Variants in SP8 observed in about 807,000 individuals in gnomAD.
The protein encoded by SP8 is Sp8 transcription factor.
SP8 carries 7 observed loss-of-function variants against 15.3 expected under a neutral mutation model. The ratio of observed to expected loss-of-function variants is 0.46; its 90% CI spans 0.26 to 0.86. SP8 has a LOEUF of 0.86. Ranked by LOEUF, SP8 falls within the 40% of genes least tolerant of loss-of-function variation. The probability of loss-of-function intolerance (pLI) is 0.16; values close to 1 mark genes in which losing one functional copy is unlikely to be tolerated. For missense variants in SP8, 731 were observed against 736.4 expected, an observed-to-expected ratio of 0.99 and a Z score of 0.09; for synonymous variants, 415 against 356.3, an observed-to-expected ratio of 1.16 and a Z score of -1.86.
In SP8 at chr7:20,782,654, C is replaced by A. The variant is rs1225359824; in HGVS notation, c.*1636G>T. ...CAGCAAATGCAAATAAGTACATGCT[C>A]CATTAAATTAAATGTCATCCAACAT... On this transcript the variant is annotated 3_prime_UTR_variant, in exon 2 of 2. Coordinates refer to ENST00000418710, the MANE Select transcript of SP8 (RefSeq NM_182700.6). 2.6e-5 allele frequency: 4 copies of A among 152,528 alleles called. No individual in the cohort carries two copies. The highest frequency in any genetic ancestry group is 1.3e-4 in the Admixed American group (2 of 15,276). The allele number at this position is 152,528 out of a possible 1,614,324, so 9.4% of individuals were successfully genotyped here.
Position 20,785,057 on chromosome 7 carries a change from C to A in SP8, c.760G>T (p.Ala254Ser). The A allele has an allele frequency of 6.3e-7, 1 of 1,578,896 alleles. No homozygotes were observed. The highest frequency in any genetic ancestry group is 1.7e-4 in the Middle Eastern group (1 of 6,004). ...AGCGAGGTTTGGAGCCCCCCGGCGG[C>A]AGGGTGCAGCGAGCCGGGCAGCGCA... The part of the protein sequence containing the change: ...AAALPGSLHP[A>S]AGGLQTSLHS... Residue 254 changes from alanine (A) to serine (S), a missense_variant, in exon 2 of 2, where the codon GCC becomes TCC. By Grantham distance (99) the Ala-to-Ser change is moderately conservative. Coordinates refer to ENST00000418710, the MANE Select transcript of SP8 (RefSeq NM_182700.6). The surrounding 1 kb of genome is among the most constrained non-coding windows in gnomAD (Gnocchi z 7.2).
At position 20,783,711 on chromosome 7, in the gene SP8, G is replaced by A. The variant is rs937933781; in HGVS notation, c.*579C>T. 6.5e-6 allele frequency: 1 copy of A among 152,880 alleles called. No individual in the cohort carries two copies. The highest frequency in any genetic ancestry group is 2.4e-5 in the African/African-American group (1 of 41,466). 9.5% of individuals were successfully genotyped at this position (152,880 alleles called of 1,614,324 possible). A position where few individuals can be genotyped will look rare whatever the true frequency, so the allele number is the denominator to read the frequency against. ...CCCCGACAGCCTGAGTAGGACGTCC[G>A]GCGATGCCCAGGGGCCTGGCAGGGT... On this transcript the variant is annotated 3_prime_UTR_variant, in exon 2 of 2. Coordinates refer to ENST00000418710, the MANE Select transcript of SP8 (RefSeq NM_182700.6).
In SP8 at chr7:20,786,813, C is replaced by T; in HGVS notation, c.-15G>A. On this transcript the variant is annotated 5_prime_UTR_variant, in exon 1 of 2. Coordinates refer to ENST00000418710, the MANE Select transcript of SP8 (RefSeq NM_182700.6). The surrounding 1 kb of genome is among the most constrained non-coding windows in gnomAD (Gnocchi z 4.4). ...GAAGTTGCCATCACACAAAAGTGCC[C>T]TCCTCCTCTCAGAGGATCTTTTTTA... The T allele has an allele frequency of 1.2e-6, 2 of 1,609,310 alleles. No homozygotes were observed. Among genetic ancestry groups the T allele is most frequent in the Non-Finnish European group, 1.7e-6 (2 of 1,175,610 alleles).
Position 20,786,537 on chromosome 7 carries a change from G to T in SP8, c.21+241C>A, listed in dbSNP as rs969229743. On this transcript the variant is annotated intron_variant, in intron 1 of 1. Transcript: ENST00000418710. The surrounding 1 kb of genome is among the most constrained non-coding windows in gnomAD (Gnocchi z 4.4). ...AGGTCTCCCGGGCAGGGAGCAGCGA[G>T]GCGCTGCGCGGTGGCTTGTCTAAAT... Among the ~76,000 whole-genome samples the T allele has an allele frequency of 4.6e-5, 7 of 152,074 alleles. No homozygotes were observed. Among genetic ancestry groups the T allele is most frequent in the African/African-American group, 1.7e-4 (7 of 41,402 alleles).
At position 20,784,239 on chromosome 7, in the gene SP8, A is replaced by G. The variant is rs1562605516; in HGVS notation, c.*51T>C. ...TTGAAGTCCGGACAGACAGGGCCCA[A>G]GAGGACTTGGTGGGAGGAGGTCGGG... On this transcript the variant is annotated 3_prime_UTR_variant, in exon 2 of 2. Transcript: ENST00000418710. 1 of 1,390,724 alleles carries G rather than the reference A, an allele frequency of 7.2e-7. No individual in the cohort carries two copies. Among genetic ancestry groups the G allele is most frequent in the Non-Finnish European group, 9.3e-7 (1 of 1,071,154 alleles). The allele number at this position is 1,390,724 out of a possible 1,614,324, so 86.1% of individuals were successfully genotyped here. A position where few individuals can be genotyped will look rare whatever the true frequency, so the allele number is the denominator to read the frequency against.
chr7:20,784,406 C>T lies in SP8; in HGVS notation c.1411G>A (p.Gly471Ser), dbSNP rs1200853231. Residue 471 changes from glycine (G) to serine (S), a missense_variant, in exon 2 of 2, where the codon GGC (glycine) becomes AGC (serine). By Grantham distance (56) the Gly-to-Ser change is moderately conservative (BLOSUM62 0). Transcript: ENST00000418710. ...GGGGSAGSGSGGKKGSDTDSE... is the reference protein window; with the variant it reads ...GGGGSAGSGSSGKKGSDTDSE... ...TCGGTGTCGCTGCCCTTCTTGCCGCCGCTGCCCGAGCCCGCCGAGCCGCCG... is the reference window on the plus strand; with the variant it reads ...TCGGTGTCGCTGCCCTTCTTGCCGCTGCTGCCCGAGCCCGCCGAGCCGCCG... 6 of 1,528,222 alleles carry T rather than the reference C, an allele frequency of 3.9e-6. 1 individual carries two copies. In the Admixed American group the frequency reaches 7.9e-5, roughly 20 times the overall value. The allele number at this position is 1,528,222 out of a possible 1,614,324, so 94.7% of individuals were successfully genotyped here.
Position 20,785,070 on chromosome 7 carries a change from G to A in SP8, c.747C>T (p.Gly249=), listed in dbSNP as rs1783620880. The A allele has an allele frequency of 1.3e-6, 2 of 1,579,818 alleles. No homozygotes were observed. Among genetic ancestry groups the A allele is most frequent in the East Asian group, 2.3e-5 (1 of 43,326 alleles). Residue 249 remains glycine (G), a synonymous_variant, in exon 2 of 2, where the codon GGC becomes GGT. Transcript: ENST00000418710. The surrounding 1 kb of genome is among the most constrained non-coding windows in gnomAD (Gnocchi z 7.2). ...GCCCCCCGGCGGCAGGGTGCAGCGA[G>A]CCGGGCAGCGCAGCCGCGCTGTTCG... is the stretch of plus-strand genomic sequence containing the variant. ...QNPNSAAALP[G]SLHPAAGGLQ...
Position 20,784,307 on chromosome 7 carries a change from G to A in SP8, c.1510C>T (p.Arg504Cys), listed in dbSNP as rs368503334. 1.1e-3 allele frequency: 1,594 copies of A among 1,497,566 alleles called. 1 individual carries two copies. Among genetic ancestry groups the A allele is most frequent in the Non-Finnish European group, 1.4e-3 (1,536 of 1,130,750 alleles). 92.8% of individuals were successfully genotyped at this position (1,497,566 alleles called of 1,614,324 possible). A position where few individuals can be genotyped will look rare whatever the true frequency, so the allele number is the denominator to read the frequency against. The change falls in exon 2 of 2, where the codon CGC becomes TGC. Residue 504 changes from arginine to cysteine, a missense_variant. This residue lies in a region of SP8 where 114 missense variants were observed against 111.9 expected (regional missense o/e 1.02). Coordinates refer to ENST00000418710, the MANE Select transcript of SP8 (RefSeq NM_182700.6). ...GGTGGGCGTCACTCTAGGCCGTTGC[G>A]GTGCCCGGGCTCGGGGGGCTGCAGC... ...ELLQPPEPGH[R>C]NGLE
Position 20,784,744 on chromosome 7 carries a change from G to A in SP8, c.1073C>T (p.Ala358Val), listed in dbSNP as rs1471162912. 1.9e-6 allele frequency: 3 copies of A among 1,587,556 alleles called. No individual in the cohort carries two copies. Among genetic ancestry groups the A allele is most frequent in the East Asian group, 2.3e-5 (1 of 43,600 alleles). Residue 358 changes from alanine (A) to valine (V), a missense_variant, in exon 2 of 2, where the codon GCA (alanine) becomes GTA (valine). By Grantham distance (64) the Ala-to-Val change is moderately conservative. Coordinates refer to ENST00000418710, the MANE Select transcript of SP8 (RefSeq NM_182700.6). ...ATCDCPNCQE[A>V]ERLGPAGASL... ...CGCCCCGGCAGGGCCCAGCCGCTCT[G>A]CCTCCTGGCAGTTGGGGCAGTCGCA...
rs1476186718 is a variant in SP8 at position 20,784,881 on chromosome 7, C to G, written c.936G>C (p.Ser312=). ...KPVLPGSYPD[S]APSPLAGAGG... Reference sequence around the variant, plus strand: ...CCGCGCCGGCCAGCGGCGACGGGGCCGAGTCCGGGTAGGAGCCGGGTAGCA... The same window carrying G: ...CCGCGCCGGCCAGCGGCGACGGGGCGGAGTCCGGGTAGGAGCCGGGTAGCA... The change falls in exon 2 of 2, where the codon TCG becomes TCC. Residue 312 remains serine, a synonymous_variant. Transcript: ENST00000418710. The G allele has an allele frequency of 5.2e-6, 8 of 1,528,586 alleles. No homozygotes were observed. Among genetic ancestry groups the G allele is most frequent in the South Asian group, 1.2e-5 (1 of 83,194 alleles). The allele number at this position is 1,528,586 out of a possible 1,614,324, so 94.7% of individuals were successfully genotyped here. A position where few individuals can be genotyped will look rare whatever the true frequency, so the allele number is the denominator to read the frequency against.
Position 20,784,759 on chromosome 7 carries a change from G to T in SP8, c.1058C>A (p.Pro353His). 6.3e-7 allele frequency: 1 copy of T among 1,575,270 alleles called. No homozygotes were observed. The change falls in exon 2 of 2, where the codon CCC becomes CAC. Residue 353 changes from proline (P) to histidine (H), a missense_variant. Around this residue, in one of 3 missense-constraint regions of SP8, gnomAD observed 586 missense variants for 524.9 expected, o/e 1.12. Coordinates refer to ENST00000418710, the MANE Select transcript of SP8 (RefSeq NM_182700.6). ...RYSGRATCDC[P>H]NCQEAERLGP... Reference sequence around the variant, plus strand: ...CAGCCGCTCTGCCTCCTGGCAGTTGGGGCAGTCGCAGGTGGCGCGGCCGGA... The same window carrying T: ...CAGCCGCTCTGCCTCCTGGCAGTTGTGGCAGTCGCAGGTGGCGCGGCCGGA...
In SP8 at chr7:20,786,060, C is replaced by A. The variant is rs1018870557; in HGVS notation, c.22-265G>T. ...AGCACCACGCTAAAGAAGAGTTTGA[C>A]AAGTATTCTCACCTAAAACAACACT... On this transcript the variant is annotated intron_variant, in intron 1 of 1. Coordinates refer to ENST00000418710, the MANE Select transcript of SP8 (RefSeq NM_182700.6). This position sits in a 1 kb window ranked among gnomAD's most constrained non-coding sequence, Gnocchi z 4.4. The A allele has an allele frequency of 4.5e-6, 6 of 1,338,236 alleles. No individual in the cohort carries two copies. In the African/African-American group the frequency reaches 5.9e-5, roughly 13 times the overall value. The allele number at this position is 1,338,236 out of a possible 1,614,324, so 82.9% of individuals were successfully genotyped here.
rs757826206 is a variant in SP8 at position 20,786,810 on chromosome 7, G to A, written c.-12C>T. On this transcript the variant is annotated 5_prime_UTR_variant, in exon 1 of 2. Coordinates refer to ENST00000418710, the MANE Select transcript of SP8 (RefSeq NM_182700.6). The surrounding 1 kb of genome is among the most constrained non-coding windows in gnomAD (Gnocchi z 4.4). Reference sequence around the variant, plus strand: ...AGTGAAGTTGCCATCACACAAAAGTGCCCTCCTCCTCTCAGAGGATCTTTT... The same window carrying A: ...AGTGAAGTTGCCATCACACAAAAGTACCCTCCTCCTCTCAGAGGATCTTTT... 6.2e-7 allele frequency: 1 copy of A among 1,610,340 alleles called. No individual in the cohort carries two copies. The highest frequency in any genetic ancestry group is 2.2e-5 in the East Asian group (1 of 44,848).
rs1562605783 is a variant in SP8 at position 20,784,432 on chromosome 7, C to A, written c.1385G>T (p.Gly462Val). The A allele has an allele frequency of 6.5e-7, 1 of 1,534,308 alleles. No homozygotes were observed. Among genetic ancestry groups the A allele is most frequent in the South Asian group, 1.2e-5 (1 of 83,176 alleles). Residue 462 changes from glycine (G) to valine (V), a missense_variant, in exon 2 of 2, where the codon GGC (glycine) becomes GTC (valine). Gly to Val is a moderately radical substitution (Grantham distance 109). This residue lies in a region of SP8 where 114 missense variants were observed against 111.9 expected (regional missense o/e 1.02). Coordinates refer to ENST00000418710, the MANE Select transcript of SP8 (RefSeq NM_182700.6). Reference sequence around the variant, plus strand: ...GCTGCCCGAGCCCGCCGAGCCGCCGCCGCCGCCGCCGCCACTGTGCGTCTT... The same window carrying A: ...GCTGCCCGAGCCCGCCGAGCCGCCGACGCCGCCGCCGCCACTGTGCGTCTT... ...HVKTHSGGGG[G>V]GGSAGSGSGG...
In SP8 at chr7:20,785,625, T is replaced by A. The variant is rs2128063912; in HGVS notation, c.192A>T (p.Val64=). The A allele has an allele frequency of 6.3e-7, 1 of 1,576,284 alleles. No individual in the cohort carries two copies. Among genetic ancestry groups the A allele is most frequent in the African/African-American group, 1.4e-5 (1 of 73,036 alleles). The part of the protein sequence containing the change: ...SSSSSSASCN[V]VGSSLSSFGV... ...CGAAGCTTGAGAGACTGGAACCCAC[T>A]ACGTTGCAGCTGGCGGAAGAAGAGG... Residue 64 remains valine (V), a synonymous_variant, in exon 2 of 2, where the codon GTA becomes GTT. Transcript: ENST00000418710. The surrounding 1 kb of genome is among the most constrained non-coding windows in gnomAD (Gnocchi z 7.2).
Position 20,784,776 on chromosome 7 carries a change from G to A in SP8, c.1041C>T (p.Arg347=), listed in dbSNP as rs765692671. The change falls in exon 2 of 2, where the codon CGC becomes CGT. Residue 347 remains arginine (R), a synonymous_variant. Coordinates refer to ENST00000418710, the MANE Select transcript of SP8 (RefSeq NM_182700.6). ...GGCAGTTGGGGCAGTCGCAGGTGGCGCGGCCGGAGTAGCGGCGAGCTGAGG... is the reference window on the plus strand; with the variant it reads ...GGCAGTTGGGGCAGTCGCAGGTGGCACGGCCGGAGTAGCGGCGAGCTGAGG... ...PRSSARRYSG[R]ATCDCPNCQE... 13 of 1,551,078 alleles carry A rather than the reference G, an allele frequency of 8.4e-6. No homozygotes were observed. In the Admixed American group the frequency reaches 9.5e-5, roughly 11 times the overall value.
rs1157253572 is a variant in SP8, at chr7:20,785,244, C to T, written c.573G>A (p.Gln191=). 1 of 1,597,514 alleles carries T rather than the reference C, an allele frequency of 6.3e-7. No individual in the cohort carries two copies. Among genetic ancestry groups the T allele is most frequent in the East Asian group, 2.3e-5 (1 of 43,392 alleles). The part of the protein sequence containing the change: ...SKVHTSVDGL[Q]GIYPRVGMAH... ...CCATGCCCACCCGCGGGTAGATGCC[C>T]TGCAGCCCGTCCACAGAGGTGTGCA... is the stretch of plus-strand genomic sequence containing the variant. Residue 191 remains glutamine, a synonymous_variant, in exon 2 of 2, where the codon CAG becomes CAA. Transcript: ENST00000418710. The surrounding 1 kb of genome is among the most constrained non-coding windows in gnomAD (Gnocchi z 7.2).
rs1372781486 is a variant in SP8 at position 20,784,319 on chromosome 7, CG to C, written c.1497del (p.Glu500SerfsTer8). The C allele has an allele frequency of 2.0e-6, 3 of 1,499,772 alleles. No homozygotes were observed. Among genetic ancestry groups the C allele is most frequent in the Admixed American group, 4.3e-5 (2 of 46,614 alleles). The allele number at this position is 1,499,772 out of a possible 1,614,324, so 92.9% of individuals were successfully genotyped here. A position where few individuals can be genotyped will look rare whatever the true frequency, so the allele number is the denominator to read the frequency against. On this transcript the variant is annotated frameshift_variant, in exon 2 of 2. Coordinates refer to ENST00000418710, the MANE Select transcript of SP8 (RefSeq NM_182700.6). LOFTEE classifies it high-confidence loss of function. ...PCHSPELLQP[P>X]EPGHRNGLE ...TCTAGGCCGTTGCGGTGCCCGGGCT[CG>C]GGGGGCTGCAGCAGCTCTGGGGAGT...
chr7:20,785,607 T>G lies in SP8; in HGVS notation c.210A>C (p.Ser70=), dbSNP rs774412020. Residue 70 remains serine, a synonymous_variant, in exon 2 of 2, where the codon TCA becomes TCC. Coordinates refer to ENST00000418710, the MANE Select transcript of SP8 (RefSeq NM_182700.6). The surrounding 1 kb of genome is among the most constrained non-coding windows in gnomAD (Gnocchi z 7.2). ...ASCNVVGSSL[S]SFGVSGASRN... ...TGGAGGCCCCGGACACGCCGAAGCTTGAGAGACTGGAACCCACTACGTTGC... is the reference window on the plus strand; with the variant it reads ...TGGAGGCCCCGGACACGCCGAAGCTGGAGAGACTGGAACCCACTACGTTGC... The G allele has an allele frequency of 4.4e-6, 7 of 1,595,364 alleles. No individual in the cohort carries two copies. The highest frequency in any genetic ancestry group is 1.7e-4 in the Middle Eastern group (1 of 5,974).
Sources: allele counts gnomAD v4.1 joint callset (sites outside exome capture counted in the v4.1 genomes callset), GRCh38; gene constraint gnomAD v4.1.1; regional missense constraint gnomAD v4.1.1; non-coding constraint Gnocchi (gnomAD v3.1); transcripts MANE v1.5; gene names NCBI Gene and HGNC (gene_info 2026-07-23, HGNC 2026-07-21).